Variants in HSPA12A observed in about 807,000 individuals in gnomAD.
HSPA12A encodes heat shock protein family A (Hsp70) member 12A.
Under a neutral mutation model 69.2 loss-of-function variants are expected in HSPA12A, and 28 were observed. The observed-to-expected ratio is 0.40, with a 90% confidence interval of 0.30 to 0.55. HSPA12A has a LOEUF of 0.55. HSPA12A is among the 20% of genes least tolerant of loss of function. The pLI is 0.38. For missense variants in HSPA12A, 686 were observed against 900.7 expected (o/e 0.76, Z 3.05); for synonymous variants, 345 against 370.5 (o/e 0.93, Z 0.79).
chr10:116,711,673 T>TTC (rs1850433956), intron 1 of HSPA12A, among the ~76,000 whole-genome samples: 1 of 146,318 alleles, frequency 6.8e-6, no homozygotes, highest in South Asian at 2.3e-4. Flanking sequence ...TTTTCTTTTT[T>TTC]TTTTTTTTCG....
At chr10:116,850,677 G>A (rs1055004342), upstream of HSPA12A, among the ~76,000 whole-genome samples, 3 of 152,072 alleles carry the variant, frequency 2.0e-5, no homozygotes, top group South Asian at 2.1e-4. Context: ...GATGTTCCGC[G>A]AATGACTTTT....
chr10:116,716,430 A>C (rs1410484520), intron 1 of HSPA12A, among the ~76,000 whole-genome samples: 1 of 139,454 alleles, frequency 7.2e-6, no homozygotes, highest in Non-Finnish European at 1.5e-5. Flanking sequence ...AGTCCTCCCG[A>C]AAGGCAGGTG....
At chr10:116,711,765 G>A (rs1313495320) in intron 1 of HSPA12A, among the ~76,000 whole-genome samples, 2 of 148,270 alleles carry the variant, frequency 1.3e-5, no homozygotes, top group Admixed American at 6.8e-5. Flanking sequence ...CCAGGTTCAC[G>A]ACATTCTCCT....
rs574144971 is a variant in HSPA12A, at chr10:116,808,459, G to A, written c.91+26476C>T. On this transcript the variant is annotated intron_variant, in intron 2 of 12. Transcript: ENST00000635765. ...GACTGTTTTGCAGTGTGGTTTGTGC[G>A]TCTGTGGATTAACATGGTATGAGGC... Among the ~76,000 whole-genome samples the A allele has an allele frequency of 4.6e-5, 7 of 152,244 alleles. No homozygotes were observed. The South Asian group carries it at 8.3e-4, about 18-fold the overall frequency.
intron 1 of HSPA12A, among the ~76,000 whole-genome samples, chr10:116,730,964 C>T (rs1851133532): frequency 6.6e-6 from 1 of 152,338 alleles, no homozygotes; most frequent in Middle Eastern, 3.4e-3. Context: ...AGCCGAGGAG[C>T]TTGGACAGGC....
intron 1 of HSPA12A, among the ~76,000 whole-genome samples, chr10:116,736,467 A>G (rs10787726): frequency 0.24 from 36,622 of 152,138 alleles, 5,262 homozygotes; most frequent in Middle Eastern, 0.39. Context: ...ACCGATGACT[A>G]TGTTATCTCC....
intron 1 of HSPA12A, among the ~76,000 whole-genome samples, chr10:116,838,120 A>G (rs909567236): frequency 2.0e-5 from 3 of 152,186 alleles, no homozygotes; most frequent in South Asian, 2.1e-4. Flanking sequence ...ACTCCACACG[A>G]CAATTTCTAG....
intron 2 of HSPA12A, among the ~76,000 whole-genome samples, chr10:116,779,703 A>G (rs1004357671): frequency 3.9e-5 from 6 of 152,136 alleles, no homozygotes; most frequent in Non-Finnish European, 8.8e-5. Context: ...ACACCCAGGC[A>G]GGTGGGAGAG....
At chr10:116,720,305 A>C (rs1850735602) in intron 1 of HSPA12A, among the ~76,000 whole-genome samples, 1 of 152,036 alleles carries the variant, frequency 6.6e-6, no homozygotes, top group South Asian at 2.1e-4. Flanking sequence ...AGTTGGCCAC[A>C]ACTTTCTCCC....
At chr10:116,739,584 G>T (rs1554886768) in intron 1 of HSPA12A, among the ~76,000 whole-genome samples, 1 of 151,880 alleles carries the variant, frequency 6.6e-6, no homozygotes. Context: ...AGCCATCCCT[G>T]TCCGAACCAC....
intron 1 of HSPA12A, among the ~76,000 whole-genome samples, chr10:116,724,614 C>T (rs1005502958): frequency 1.7e-4 from 26 of 152,314 alleles, no homozygotes; most frequent in Admixed American, 1.3e-3. Context: ...GCTGTTTCCT[C>T]CTTTCTTGCT....
At chr10:116,677,841 T>C (rs1187757929) in intron 10 of HSPA12A, among the ~76,000 whole-genome samples, 3 of 152,178 alleles carry the variant, frequency 2.0e-5, no homozygotes, top group African/African-American at 7.2e-5. Flanking sequence ...TGGGACAGTG[T>C]GGGTGTCAAT....
intron 2 of HSPA12A, among the ~76,000 whole-genome samples, chr10:116,806,549 A>G (rs1338344007): frequency 2.1e-5 from 3 of 143,620 alleles, no homozygotes; most frequent in Admixed American, 1.5e-4. Context: ...GATGTGAAAC[A>G]GAGCTCTCAG....
intron 2 of HSPA12A, among the ~76,000 whole-genome samples, chr10:116,757,079 TG>T (rs1280850719): frequency 3.9e-5 from 6 of 152,176 alleles, no homozygotes; most frequent in Admixed American, 6.5e-5. Context: ...TTCAATAACT[TG>T]TTTAAGGATG....
chr10:116,709,078 T>C (rs1722573557), intron 1 of HSPA12A, among the ~76,000 whole-genome samples: 1 of 152,192 alleles, frequency 6.6e-6, no homozygotes, highest in African/African-American at 2.4e-5. Flanking sequence ...CTCAAGGAGA[T>C]ACTTATATGC....
rs548595589 is a variant in HSPA12A, at chr10:116,818,240, G to A, written c.91+16695C>T. ...GGCATATGAGCTTGGTCACAATCAG[G>A]GACCTACGAGCCTTGGTAGGTTGTC... On this transcript the variant is annotated intron_variant, in intron 2 of 12. Coordinates refer to the HSPA12A transcript ENST00000635765. 4.6e-5 allele frequency among the ~76,000 whole-genome samples: 7 copies of A among 152,306 alleles called. No homozygotes were observed. The South Asian group carries it at 1.5e-3, about 32-fold the overall frequency.
At chr10:116,801,766 A>G (rs1844962144) in intron 2 of HSPA12A, among the ~76,000 whole-genome samples, 1 of 152,132 alleles carries the variant, frequency 6.6e-6, no homozygotes, top group Non-Finnish European at 1.5e-5. Context: ...CGCATGTAAA[A>G]TCTGGCAAAA....
chr10:116,848,537 G>A (rs1003835270), intron 1 of HSPA12A, among the ~76,000 whole-genome samples: 2 of 152,184 alleles, frequency 1.3e-5, no homozygotes, highest in Non-Finnish European at 2.9e-5. Flanking sequence ...ATCTGCTTAG[G>A]TAGGAAACAT....
intron 1 of HSPA12A, among the ~76,000 whole-genome samples, chr10:116,840,256 G>A (rs1230177419): frequency 6.6e-6 from 1 of 152,090 alleles, no homozygotes; most frequent in East Asian, 1.9e-4. Flanking sequence ...AAGAGATCAT[G>A]TTTTTCTTGC....
Sources: allele counts gnomAD v4.1 joint callset (sites outside exome capture counted in the v4.1 genomes callset), GRCh38; gene constraint gnomAD v4.1.1; transcripts MANE v1.5; gene names NCBI Gene and HGNC (gene_info 2026-07-23, HGNC 2026-07-21).